BCAR3: variants seen among roughly 807,000 people sequenced by gnomAD.
BCAR3 encodes the protein BCAR3 adaptor protein, NSP family member.
Under a neutral mutation model 80.1 loss-of-function variants are expected in BCAR3, and 37 were observed. The observed-to-expected ratio is 0.46, with a 90% CI of 0.36 to 0.61. BCAR3 has a LOEUF of 0.61. BCAR3 is among the 20% of genes least tolerant of loss of function. BCAR3 has a pLI of 0.00. For missense variants in BCAR3, 978 were observed against 1,068.2 expected (o/e 0.92, Z 1.18); for synonymous variants, 389 against 418.9 (o/e 0.93, Z 0.87).
rs748165802 is a variant in BCAR3 at position 93,567,240 on chromosome 1, T to C, written c.2299+39A>G. The C allele has an allele frequency of 6.9e-6, 11 of 1,599,800 alleles. No homozygotes were observed. The Admixed American group carries it at 1.0e-4, about 15-fold the overall frequency. On this transcript the variant is annotated intron_variant, in intron 11 of 11. Transcript: ENST00000260502. ...TTCCATTCCTTCATTTCAATTACGA[T>C]ACAGTGTTAGAGAACAGCTTACAAA... is the stretch of plus-strand genomic sequence containing the variant.
Position 93,582,408 on chromosome 1 carries a change from G to C in BCAR3, c.1579C>G (p.Pro527Ala), listed in dbSNP as rs776565886. 7 of 1,614,054 alleles carry C rather than the reference G, an allele frequency of 4.3e-6. No homozygotes were observed. The highest frequency in any genetic ancestry group is 5.9e-6 in the Non-Finnish European group (7 of 1,180,040). The change falls in exon 7 of 12, where the codon CCT becomes GCT. Residue 527 changes from proline to alanine, a missense_variant. Transcript: ENST00000260502. ...GCTGTTTCCAGGGGCTTATTCTCAG[G>C]GGGAAGGAACTTTGACTCAAACTCG... ...PNEFESKFLP[P>A]ENKPLETAML...
intron 2 of BCAR3, among the ~76,000 whole-genome samples, chr1:93,790,621 T>TC (rs1653111509): frequency 2.1e-5 from 3 of 143,168 alleles, no homozygotes; most frequent in African/African-American, 8.5e-5. Context: ...AGTCTTTTTT[T>TC]TTTTTTGTAT....
At chr1:93,681,125 C>T (rs879944005) in intron 1 of BCAR3, 3 of 152,308 alleles carry the variant, frequency 2.0e-5, no homozygotes, top group Non-Finnish European at 4.4e-5. Context: ...CTCGCCTCCT[C>T]GGAGCCTTGG....
At chr1:93,785,576 A>G (rs1652908822) in intron 2 of BCAR3, among the ~76,000 whole-genome samples, 1 of 152,272 alleles carries the variant, frequency 6.6e-6, no homozygotes, top group Non-Finnish European at 1.5e-5. Context: ...AGATCTAGCT[A>G]TATCACAGGA....
At chr1:93,720,174 C>T (rs1159806109) in intron 2 of BCAR3, 1 of 152,256 alleles carries the variant, frequency 6.6e-6, no homozygotes, top group East Asian at 1.9e-4. Flanking sequence ...CTCCTTCCAC[C>T]TGTTTCTCCC....
intron 2 of BCAR3, among the ~76,000 whole-genome samples, chr1:93,740,576 A>G (rs1651141956): frequency 6.6e-6 from 1 of 151,990 alleles, no homozygotes; most frequent in Non-Finnish European, 1.5e-5. Flanking sequence ...CTCACTCAAC[A>G]TTCTTTCCTT....
chr1:93,642,984 TTGGGAGGCCAAGG>T (rs1676032382), intron 2 of BCAR3, among the ~76,000 whole-genome samples: 1 of 152,110 alleles, frequency 6.6e-6, no homozygotes, highest in Non-Finnish European at 1.5e-5. Context: ...TCCCAGCACT[TTGGGAGGCCAAGG>T]CGGGAGGATC....
At chr1:93,566,091 C>T (rs1380830061) in intron 11 of BCAR3, among the ~76,000 whole-genome samples, 2 of 152,162 alleles carry the variant, frequency 1.3e-5, no homozygotes, top group South Asian at 2.1e-4. Flanking sequence ...ACTGGCTCTT[C>T]TTCAGCCACG....
intron 11 of BCAR3, among the ~76,000 whole-genome samples, chr1:93,562,768 C>CAAAAAAAAAAAAAAAAAAAAAAAA (rs35374992): frequency 1.3e-5 from 1 of 76,898 alleles, no homozygotes; most frequent in Non-Finnish European, 2.4e-5. Flanking sequence ...GACTCCATCT[C>CAAAAAAAAAAAAAAAAAAAAAAAA]AAAAAAAAAA....
At chr1:93,721,239 G>A (rs1213313422) in intron 2 of BCAR3, among the ~76,000 whole-genome samples, 1 of 152,144 alleles carries the variant, frequency 6.6e-6, no homozygotes, top group Non-Finnish European at 1.5e-5. Flanking sequence ...ATGCCCTGCA[G>A]ACTGGAGCCC....
At chr1:93,841,282 G>C (rs1034191145) in intron 2 of BCAR3, among the ~76,000 whole-genome samples, 2 of 152,170 alleles carry the variant, frequency 1.3e-5, no homozygotes, top group African/African-American at 4.8e-5. Flanking sequence ...GCTCAAGATT[G>C]CAAGGTCCAT....
chr1:93,804,997 C>A (rs1653612024), intron 2 of BCAR3, among the ~76,000 whole-genome samples: 1 of 152,148 alleles, frequency 6.6e-6, no homozygotes, highest in Non-Finnish European at 1.5e-5. Flanking sequence ...CATTTTAATG[C>A]AGCAATTTTT....
chr1:93,726,889 T>C lies in BCAR3; in HGVS notation c.-62-20747A>G, dbSNP rs1373048469. On this transcript the variant is annotated intron_variant, in intron 2 of 13. Transcript: ENST00000370244. ...ATTTATCAACAGCCTGTACTTCCTTTACTAACGAAGCTGAGCATCTTTCTA... is the reference window on the plus strand; with the variant it reads ...ATTTATCAACAGCCTGTACTTCCTTCACTAACGAAGCTGAGCATCTTTCTA... Among the ~76,000 whole-genome samples, 5 of 152,258 alleles carry C rather than the reference T, an allele frequency of 3.3e-5. 1 individual carries two copies. The highest frequency in any genetic ancestry group is 2.0e-4 in the Admixed American group (3 of 15,290).
chr1:93,831,126 T>C (rs1219895261), intron 2 of BCAR3, among the ~76,000 whole-genome samples: 1 of 152,154 alleles, frequency 6.6e-6, no homozygotes, highest in Non-Finnish European at 1.5e-5. Context: ...TATTCGCCCA[T>C]ACTCCATTGG....
intron 2 of BCAR3, among the ~76,000 whole-genome samples, chr1:93,755,852 G>A (rs1456669745): frequency 6.6e-6 from 1 of 152,192 alleles, no homozygotes; most frequent in Non-Finnish European, 1.5e-5. Context: ...AATATCTAAT[G>A]ACAGGGACTT....
At chr1:93,756,579 A>G (rs1237555956) in intron 2 of BCAR3, among the ~76,000 whole-genome samples, 2 of 152,244 alleles carry the variant, frequency 1.3e-5, no homozygotes, top group Admixed American at 6.5e-5. Context: ...GCAAGTCAGT[A>G]TATGTGCTAA....
chr1:93,721,547 A>G (rs1463740425), intron 2 of BCAR3, among the ~76,000 whole-genome samples: 3 of 152,220 alleles, frequency 2.0e-5, no homozygotes, highest in African/African-American at 7.2e-5. Flanking sequence ...CCCAGTGGCC[A>G]GGAGACCTCT....
rs754188381 is a variant in BCAR3, at chr1:93,582,708, CCT to C, written c.1277_1278del (p.Glu426GlyfsTer5). The C allele has an allele frequency of 6.2e-7, 1 of 1,614,078 alleles. No homozygotes were observed. The highest frequency in any genetic ancestry group is 1.7e-5 in the Admixed American group (1 of 60,016). On this transcript the variant is annotated frameshift_variant, in exon 7 of 12. Coordinates refer to ENST00000260502, the MANE Select transcript of BCAR3 (RefSeq NM_003567.4). LOFTEE classifies it high-confidence loss of function. ...PSSPSAWLNS[E>X]ANYCELNPAF... ...GCTGGGTTCAGTTCACAGTAGTTGG[CCT>C]CTGAGTTGAGCCAGGCAGAGGGAGA...
intron 5 of BCAR3, among the ~76,000 whole-genome samples, chr1:93,588,580 G>C (rs1674039413): frequency 6.6e-6 from 1 of 152,106 alleles, no homozygotes; most frequent in Non-Finnish European, 1.5e-5. Flanking sequence ...CAGACCCTTT[G>C]TTCCAGCCCT....
Sources: allele counts gnomAD v4.1 joint callset (sites outside exome capture counted in the v4.1 genomes callset), GRCh38; gene constraint gnomAD v4.1.1; transcripts MANE v1.5; gene names NCBI Gene and HGNC (gene_info 2026-07-23, HGNC 2026-07-21).